LUZP2: variants seen among roughly 807,000 people sequenced by gnomAD.
The protein encoded by LUZP2 is leucine zipper protein 2.
In LUZP2, 52 loss-of-function variants were observed where a neutral mutation model predicts 51.6. The ratio of observed to expected loss-of-function variants is 1.01; its 90% confidence interval spans 0.81 to 1.27. LUZP2 has a LOEUF of 1.27. Ranked by LOEUF, LUZP2 falls within the 50% of genes most tolerant of loss-of-function variation. The pLI is 0.00. For missense variants in LUZP2, 436 were observed against 395.4 expected (o/e 1.10, Z -0.87); for synonymous variants, 154 against 137.3 (o/e 1.12, Z -0.85).
intron 8 of LUZP2, among the ~76,000 whole-genome samples, chr11:24,978,896 T>C (rs1215486766): frequency 6.6e-6 from 1 of 151,680 alleles, no homozygotes; most frequent in Admixed American, 6.6e-5. Context: ...CATTCAATGC[T>C]CTTCTCCTCC....
At chr11:24,586,887 T>TA (rs1245465520) in intron 1 of LUZP2, among the ~76,000 whole-genome samples, 5 of 152,146 alleles carry the variant, frequency 3.3e-5, no homozygotes, top group Non-Finnish European at 2.9e-5. Context: ...CTTCATTATA[T>TA]ATCTCATTAT....
intron 1 of LUZP2, among the ~76,000 whole-genome samples, chr11:24,714,653 G>C (rs1383612446): frequency 6.6e-6 from 1 of 152,116 alleles, no homozygotes; most frequent in African/African-American, 2.4e-5. Context: ...GTATATGCAT[G>C]GAGTTTATCT....
intron 1 of LUZP2, among the ~76,000 whole-genome samples, chr11:24,544,241 T>C (rs1001092713): frequency 6.6e-6 from 1 of 152,094 alleles, no homozygotes; most frequent in Non-Finnish European, 1.5e-5. Flanking sequence ...GTTTGCGTCA[T>C]CCTGATTTCA....
rs554555055 is a variant in LUZP2 at position 24,904,178 on chromosome 11, G to A, written c.397-1813G>A. Among the ~76,000 whole-genome samples the A allele has an allele frequency of 9.9e-5, 15 of 152,198 alleles. No homozygotes were observed. In the South Asian group the frequency reaches 3.1e-3, roughly 32 times the overall value. On this transcript the variant is annotated intron_variant, in intron 5 of 11. Coordinates refer to ENST00000336930, the MANE Select transcript of LUZP2 (RefSeq NM_001009909.4). ...TGATAATAACCATCCTAATCTGAGT[G>A]TGGTAATATTTCATTGCATTTTCCT...
At chr11:24,663,315 C>T (rs564285997) in intron 1 of LUZP2, among the ~76,000 whole-genome samples, 1 of 152,194 alleles carries the variant, frequency 6.6e-6, no homozygotes, top group South Asian at 2.1e-4. Context: ...CCCCTTTGTT[C>T]TCTCTTTCTC....
At position 25,079,989 on chromosome 11, in the gene LUZP2, A is replaced by C. The variant is rs971485373; in HGVS notation, c.*1331A>C. ...ATGGCATACCTCTGATCAAAATGGC[A>C]TATTTAAAGAAATTTAAAGATTTGG... On this transcript the variant is annotated 3_prime_UTR_variant, in exon 12 of 12. Transcript: ENST00000336930. The C allele has an allele frequency of 6.6e-6, 1 of 152,204 alleles. No individual in the cohort carries two copies. Among genetic ancestry groups the C allele is most frequent in the African/African-American group, 2.4e-5 (1 of 41,462 alleles). The allele number at this position is 152,204 out of a possible 1,614,324, so 9.4% of individuals were successfully genotyped here. A position where few individuals can be genotyped will look rare whatever the true frequency, so the allele number is the denominator to read the frequency against.
chr11:24,502,549 G>A (rs2133753313), intron 1 of LUZP2, among the ~76,000 whole-genome samples: 1 of 151,754 alleles, frequency 6.6e-6, no homozygotes, highest in Admixed American at 6.6e-5. Context: ...ATGCCCGGCT[G>A]ATTTTTTCGT....
rs1053699936 is a variant in LUZP2, at chr11:24,688,527, T to C, written c.63-40642T>C. 3.9e-5 allele frequency among the ~76,000 whole-genome samples: 6 copies of C among 152,114 alleles called. 1 individual carries two copies. The highest frequency in any genetic ancestry group is 1.4e-4 in the African/African-American group (6 of 41,418). ...ATTATAATTGATTTTGACAAGTAGA[T>C]CTCTGTCATAAATATCATGATAAGC... On this transcript the variant is annotated intron_variant, in intron 1 of 11. Coordinates refer to ENST00000336930, the MANE Select transcript of LUZP2 (RefSeq NM_001009909.4).
At chr11:24,771,581 C>G (rs1220211597) in intron 5 of LUZP2, among the ~76,000 whole-genome samples, 1 of 151,436 alleles carries the variant, frequency 6.6e-6, no homozygotes, top group Non-Finnish European at 1.5e-5. Flanking sequence ...TCTGTTCTTA[C>G]TAGTACTAAT....
intron 5 of LUZP2, among the ~76,000 whole-genome samples, chr11:24,902,151 G>C (rs1853299389): frequency 6.6e-6 from 1 of 152,118 alleles, no homozygotes. Context: ...TCTAATAATA[G>C]TAATTAGGTT....
At chr11:24,630,467 C>A (rs117609142) in intron 1 of LUZP2, among the ~76,000 whole-genome samples, 2 of 151,912 alleles carry the variant, frequency 1.3e-5, no homozygotes. Context: ...AATGTATGTT[C>A]TTGTGGACCT....
chr11:25,020,154 C>T (rs1462364457), intron 9 of LUZP2, among the ~76,000 whole-genome samples: 2 of 152,048 alleles, frequency 1.3e-5, no homozygotes, highest in Non-Finnish European at 2.9e-5. Context: ...CAGTAACCTC[C>T]ACTGTAACCT....
intron 9 of LUZP2, among the ~76,000 whole-genome samples, chr11:24,984,874 T>G (rs1283848377): frequency 6.6e-6 from 1 of 151,410 alleles, no homozygotes; most frequent in African/African-American, 2.4e-5. Flanking sequence ...GACAGCTGAG[T>G]GTTTACTACT....
intron 7 of LUZP2, among the ~76,000 whole-genome samples, chr11:24,939,927 G>C (rs1318278049): frequency 6.6e-6 from 1 of 152,042 alleles, no homozygotes; most frequent in Non-Finnish European, 1.5e-5. Flanking sequence ...TCCTGGGCAT[G>C]ACTTATCCTT....
intron 1 of LUZP2, among the ~76,000 whole-genome samples, chr11:24,501,909 C>A (rs990932554): frequency 6.6e-6 from 1 of 152,160 alleles, no homozygotes; most frequent in African/African-American, 2.4e-5. Flanking sequence ...GTGTCTGGGG[C>A]AACTTCTACT....
intron 1 of LUZP2, among the ~76,000 whole-genome samples, chr11:24,575,838 G>A (rs1037756145): frequency 2.0e-5 from 3 of 151,896 alleles, no homozygotes; most frequent in African/African-American, 7.3e-5. Context: ...TCTCTGCAAT[G>A]CTGCATCCCT....
At chr11:24,557,355 A>C (rs1271606716) in intron 1 of LUZP2, among the ~76,000 whole-genome samples, 3 of 148,152 alleles carry the variant, frequency 2.0e-5, no homozygotes, top group Admixed American at 6.8e-5. Flanking sequence ...TATCCTATTT[A>C]AGACCAGTGA....
intron 1 of LUZP2, among the ~76,000 whole-genome samples, chr11:24,656,801 C>G (rs935112620): frequency 6.6e-6 from 1 of 152,196 alleles, no homozygotes; most frequent in African/African-American, 2.4e-5. Context: ...CCCCTCTGGT[C>G]TCCTCCTCTG....
chr11:24,686,401 T>A (rs1254700718), intron 1 of LUZP2, among the ~76,000 whole-genome samples: 1 of 152,160 alleles, frequency 6.6e-6, no homozygotes, highest in Non-Finnish European at 1.5e-5. Context: ...ATCTTTGGGA[T>A]ACTTCCATGC....
Sources: allele counts gnomAD v4.1 joint callset (sites outside exome capture counted in the v4.1 genomes callset), GRCh38; gene constraint gnomAD v4.1.1; transcripts MANE v1.5; gene names NCBI Gene and HGNC (gene_info 2026-07-23, HGNC 2026-07-21).